The following PHACTR2 variants were observed in gnomAD, a reference collection of about 807,000 sequenced individuals.
PHACTR2 encodes phosphatase and actin regulator 2, also known as chromosome 6 open reading frame 56.
In PHACTR2, 30 loss-of-function variants were observed where a neutral mutation model predicts 76.0. The observed-to-expected ratio is 0.39, with a 90% CI of 0.30 to 0.54. The LOEUF is 0.54. Ranked by LOEUF, PHACTR2 falls within the 20% of genes least tolerant of loss-of-function variation. The pLI is 0.61. For synonymous variants in PHACTR2, 292 were observed against 292.5 expected (o/e 1.00, Z 0.02); for missense variants, 696 against 781.1 (o/e 0.89, Z 1.30).
rs897352991 is a variant in PHACTR2 at position 143,761,171 on chromosome 6, C to T, written c.694+531C>T. Among the ~76,000 whole-genome samples, 1 of 152,230 alleles carries T rather than the reference C, an allele frequency of 6.6e-6. No individual in the cohort carries two copies. The highest frequency in any genetic ancestry group is 2.4e-5 in the African/African-American group (1 of 41,466). On this transcript the variant is annotated intron_variant, in intron 5 of 12. Coordinates refer to ENST00000440869, the MANE Select transcript of PHACTR2 (RefSeq NM_001100164.2). The surrounding 1 kb of genome is among the most constrained non-coding windows in gnomAD (Gnocchi z 5.2). Reference sequence around the variant, plus strand: ...CATGTCACTTGTTTCAGCTCCACCCCACCACTTTCTACTGCAGTGAAAACT... The same window carrying T: ...CATGTCACTTGTTTCAGCTCCACCCTACCACTTTCTACTGCAGTGAAAACT...
rs1776804992 is a variant in PHACTR2 at position 143,653,936 on chromosome 6, G to T, written c.13+45614G>T. 6.6e-6 allele frequency among the ~76,000 whole-genome samples: 1 copy of T among 152,166 alleles called. No individual in the cohort carries two copies. The highest frequency in any genetic ancestry group is 1.5e-5 in the Non-Finnish European group (1 of 68,016). ...ATCTATAAAGTGAAAAGACTACCCA[G>T]AGAATGGGAGGAAAGTTTTGTAATG... On this transcript the variant is annotated intron_variant, in intron 1 of 11. Coordinates refer to the PHACTR2 transcript ENST00000305766. This position sits in a 1 kb window ranked among gnomAD's most constrained non-coding sequence, Gnocchi z 4.9.
chr6:143,707,665 T>A (rs1462981509), intron 1 of PHACTR2, among the ~76,000 whole-genome samples: 2 of 152,236 alleles, frequency 1.3e-5, no homozygotes, highest in Non-Finnish European at 2.9e-5. Context: ...ATCTCTATAA[T>A]TTATTTATCA....
intron 2 of PHACTR2, among the ~76,000 whole-genome samples, chr6:143,729,907 G>A (rs1778663170): frequency 6.6e-6 from 1 of 152,018 alleles, no homozygotes; most frequent in Non-Finnish European, 1.5e-5. Flanking sequence ...GGTGTCATGT[G>A]TAAGAAATTT....
Position 143,646,229 on chromosome 6 carries a change from G to A in PHACTR2, c.13+37907G>A, listed in dbSNP as rs1392974802. On this transcript the variant is annotated intron_variant, in intron 1 of 11. Transcript: ENST00000305766. The surrounding 1 kb of genome is among the most constrained non-coding windows in gnomAD (Gnocchi z 4.1). ...GCCCACAAAGAGCCCCAAATCTAGG[G>A]TTTTATTTTCATTGTTAGAGTGTCT... Among the ~76,000 whole-genome samples the A allele has an allele frequency of 6.6e-6, 1 of 151,976 alleles. No individual in the cohort carries two copies. Among genetic ancestry groups the A allele is most frequent in the Non-Finnish European group, 1.5e-5 (1 of 67,990 alleles).
chr6:143,665,138 T>C (rs896811642), intron 1 of PHACTR2, among the ~76,000 whole-genome samples: 3 of 152,224 alleles, frequency 2.0e-5, no homozygotes, highest in African/African-American at 7.2e-5. Flanking sequence ...ATCCTGTAGA[T>C]GTTTTCAGTG....
chr6:143,622,096 AT>A (rs530670711), intron 1 of PHACTR2, among the ~76,000 whole-genome samples: 1 of 151,998 alleles, frequency 6.6e-6, no homozygotes. Context: ...GAGTTTGTGA[AT>A]TTTTTACATT....
Position 143,696,173 on chromosome 6 carries a change from C to G in PHACTR2, c.47-15843C>G, listed in dbSNP as rs977263243. Among the ~76,000 whole-genome samples, 2 of 152,178 alleles carry G rather than the reference C, an allele frequency of 1.3e-5. No homozygotes were observed. The highest frequency in any genetic ancestry group is 4.8e-5 in the African/African-American group (2 of 41,452). On this transcript the variant is annotated intron_variant, in intron 1 of 12. Transcript: ENST00000440869. This position sits in a 1 kb window ranked among gnomAD's most constrained non-coding sequence, Gnocchi z 4.1. Reference sequence around the variant, plus strand: ...TGATGTCAACCTTCTTGCTTAGTTTCTTTCCTTAATCCAGGGCATTTCTGC... The same window carrying G: ...TGATGTCAACCTTCTTGCTTAGTTTGTTTCCTTAATCCAGGGCATTTCTGC...
Position 143,800,654 on chromosome 6 carries a change from G to T in PHACTR2, c.1846-6403G>T, listed in dbSNP as rs1394765753. 6.6e-6 allele frequency among the ~76,000 whole-genome samples: 1 copy of T among 152,150 alleles called. No individual in the cohort carries two copies. Among genetic ancestry groups the T allele is most frequent in the Non-Finnish European group, 1.5e-5 (1 of 68,032 alleles). On this transcript the variant is annotated intron_variant, in intron 11 of 12. Coordinates refer to ENST00000440869, the MANE Select transcript of PHACTR2 (RefSeq NM_001100164.2). This position sits in a 1 kb window ranked among gnomAD's most constrained non-coding sequence, Gnocchi z 4.8. ...TGGGTCTAGACTCTTTATCCAATTTGCCAATCTGTGTCTTTTAATTGGGGC... is the reference window on the plus strand; with the variant it reads ...TGGGTCTAGACTCTTTATCCAATTTTCCAATCTGTGTCTTTTAATTGGGGC...
At chr6:143,713,103 A>G (rs1040402059) in intron 2 of PHACTR2, among the ~76,000 whole-genome samples, 22 of 152,234 alleles carry the variant, frequency 1.4e-4, no homozygotes, top group African/African-American at 5.1e-4. Context: ...CACAGAGCAT[A>G]TCTTATTGGT....
intron 2 of PHACTR2, among the ~76,000 whole-genome samples, chr6:143,718,467 T>G (rs992244640): frequency 6.6e-6 from 1 of 152,210 alleles, no homozygotes; most frequent in Non-Finnish European, 1.5e-5. Flanking sequence ...CATTCACTAG[T>G]TGCATCTCTA....
chr6:143,766,546 T>A (rs947306786), intron 6 of PHACTR2, among the ~76,000 whole-genome samples: 1 of 152,250 alleles, frequency 6.6e-6, no homozygotes, highest in South Asian at 2.1e-4. Context: ...GAAGATAAGA[T>A]GACCCTATTG....
Position 143,807,051 on chromosome 6 carries a change from G to A in PHACTR2, c.1846-6G>A. 1.9e-6 allele frequency: 3 copies of A among 1,546,152 alleles called. No individual in the cohort carries two copies. Among genetic ancestry groups the A allele is most frequent in the Non-Finnish European group, 2.7e-6 (3 of 1,123,530 alleles). ...GTTCTGTTTATCTATTTTTTTTCCT[G>A]TTTAGGCAGCAATAAGGAAAGAACT... On this transcript the variant is annotated splice_polypyrimidine_tract_variant and splice_region_variant and intron_variant, in intron 11 of 12. Transcript: ENST00000440869. This position sits in a 1 kb window ranked among gnomAD's most constrained non-coding sequence, Gnocchi z 5.5.
intron 6 of PHACTR2, among the ~76,000 whole-genome samples, chr6:143,771,293 T>C (rs1775135136): frequency 7.0e-6 from 1 of 142,294 alleles, no homozygotes. Context: ...TGGAGTACAG[T>C]GGTGCTAGCA....
At position 143,824,731 on chromosome 6, in the gene PHACTR2, G is replaced by C. The variant is rs1428418202; in HGVS notation, c.*1042G>C. The C allele has an allele frequency of 1.3e-5, 2 of 152,066 alleles. No individual in the cohort carries two copies. The highest frequency in any genetic ancestry group is 2.9e-5 in the Non-Finnish European group (2 of 67,974). 9.4% of individuals were successfully genotyped at this position (152,066 alleles called of 1,614,324 possible). ...TAGTCCTGCATGGGAATAAGGACTAGTTATTTTTTTAGTGCTGCATTTTTT... is the reference window on the plus strand; with the variant it reads ...TAGTCCTGCATGGGAATAAGGACTACTTATTTTTTTAGTGCTGCATTTTTT... On this transcript the variant is annotated 3_prime_UTR_variant, in exon 13 of 13. Transcript: ENST00000440869. This position sits in a 1 kb window ranked among gnomAD's most constrained non-coding sequence, Gnocchi z 6.3.
chr6:143,769,794 C>T (rs1775050504), intron 6 of PHACTR2, among the ~76,000 whole-genome samples: 2 of 152,154 alleles, frequency 1.3e-5, no homozygotes. Context: ...GTATTTTAAA[C>T]ATTCTGTGAT....
intron 1 of PHACTR2, among the ~76,000 whole-genome samples, chr6:143,685,126 C>T (rs1368888544): frequency 6.6e-6 from 1 of 151,822 alleles, no homozygotes; most frequent in East Asian, 1.9e-4. Flanking sequence ...GTTGATTAGT[C>T]GTTTTCTTTC....
chr6:143,713,876 A>G (rs896114013), intron 2 of PHACTR2, among the ~76,000 whole-genome samples: 16 of 152,166 alleles, frequency 1.1e-4, no homozygotes, highest in Non-Finnish European at 2.1e-4. Context: ...TACCAAGACT[A>G]CCCAAGATGG....
Position 143,624,926 on chromosome 6 carries a change from C to A in PHACTR2, c.13+16604C>A, listed in dbSNP as rs568848467. ...ATCCCAGTACTTTGGGAGGCCGAGGCGGGCGGATCATTTGAGGTCAGGAGT... is the reference window on the plus strand; with the variant it reads ...ATCCCAGTACTTTGGGAGGCCGAGGAGGGCGGATCATTTGAGGTCAGGAGT... On this transcript the variant is annotated intron_variant, in intron 1 of 11. Transcript: ENST00000305766. The surrounding 1 kb of genome is among the most constrained non-coding windows in gnomAD (Gnocchi z 4.6). Among the ~76,000 whole-genome samples, 1 of 151,984 alleles carries A rather than the reference C, an allele frequency of 6.6e-6. No individual in the cohort carries two copies. Among genetic ancestry groups the A allele is most frequent in the Non-Finnish European group, 1.5e-5 (1 of 67,984 alleles).
Position 143,616,889 on chromosome 6 carries a change from C to T in PHACTR2, c.13+8567C>T, listed in dbSNP as rs67470559. 0.19 allele frequency among the ~76,000 whole-genome samples: 28,449 copies of T among 151,858 alleles called. 2,902 individuals are homozygous for T. Among genetic ancestry groups the T allele is most frequent in the South Asian group, 0.27 (1,302 of 4,812 alleles). On this transcript the variant is annotated intron_variant, in intron 1 of 11. Transcript: ENST00000305766. The surrounding 1 kb of genome is among the most constrained non-coding windows in gnomAD (Gnocchi z 4.9). ...GTAAAAATGTGTCAAGCTGAGTGGC[C>T]GGCAAACACACACGCCCCCAGACAG...
Sources: gnomAD v4.1 joint callset for allele counts (sites outside exome capture counted in the v4.1 genomes callset) on GRCh38, gnomAD v4.1.1 for gene constraint, Gnocchi (gnomAD v3.1) non-coding constraint, MANE v1.5 for transcripts, NCBI Gene and HGNC (gene_info 2026-07-23, HGNC 2026-07-21) for gene names.